The following PCDH19 variants were observed in gnomAD, a reference collection of about 807,000 sequenced individuals.
PCDH19 encodes the protein protocadherin-19.
In PCDH19, 6 loss-of-function variants were observed where a neutral mutation model predicts 46.2. That is an observed-to-expected ratio of 0.13 (90% CI 0.07 to 0.26). The LOEUF (loss-of-function observed/expected upper bound fraction) is 0.26. Ranked by LOEUF, PCDH19 falls within the 10% of genes least tolerant of loss-of-function variation. The probability of loss-of-function intolerance (pLI) is 1.00; values close to 1 mark genes in which losing one functional copy is unlikely to be tolerated. For missense variants in PCDH19, 740 were observed against 972.3 expected (o/e 0.76, Z 3.18); for synonymous variants, 481 against 415.7 (o/e 1.16, Z -1.91).
chrX:100,358,694 TA>T (rs1277414237), intron 3 of PCDH19, among the ~76,000 whole-genome samples: 1 of 112,370 alleles, frequency 8.9e-6, no homozygotes, highest in Non-Finnish European at 1.9e-5. Flanking sequence ...GACCCTTTTC[TA>T]AGTCCTTTGT....
intron 3 of PCDH19, among the ~76,000 whole-genome samples, chrX:100,357,403 A>T (rs1926749557): frequency 8.9e-6 from 1 of 111,852 alleles, no homozygotes; most frequent in African/African-American, 3.3e-5. Flanking sequence ...ACAATTCATA[A>T]CGTTCTTAGA....
chrX:100,394,409 G>C (rs1166336089), intron 3 of PCDH19, among the ~76,000 whole-genome samples: 1 of 112,087 alleles, frequency 8.9e-6, no homozygotes, highest in East Asian at 2.8e-4. Context: ...GCAAGTCTAA[G>C]AGAGCTCTTT....
intron 5 of PCDH19, among the ~76,000 whole-genome samples, chrX:100,333,155 AAG>A (rs1569294561): frequency 2.8e-4 from 15 of 53,803 alleles, no homozygotes; most frequent in East Asian, 1.2e-3. Flanking sequence ...GGAAGGAAGG[AAG>A]GAAGGAAGGA....
chrX:100,376,570 T>C (rs1202556758), intron 3 of PCDH19, among the ~76,000 whole-genome samples: 1 of 112,456 alleles, frequency 8.9e-6, no homozygotes, highest in Non-Finnish European at 1.9e-5. Flanking sequence ...CTTCAGACTA[T>C]GCTAGGAGTG....
At chrX:100,323,989 A>G (rs1235435687) in intron 5 of PCDH19, among the ~76,000 whole-genome samples, 1 of 111,806 alleles carries the variant, frequency 8.9e-6, no homozygotes, top group Non-Finnish European at 1.9e-5. Context: ...GCAGTTTACA[A>G]CTGGCTCCAA....
At chrX:100,363,156 T>G (rs1366253305) in intron 3 of PCDH19, among the ~76,000 whole-genome samples, 1 of 110,700 alleles carries the variant, frequency 9.0e-6, no homozygotes, top group African/African-American at 3.3e-5. Flanking sequence ...TACAAAAAAT[T>G]AGCCAGGCGT....
intron 4 of PCDH19, among the ~76,000 whole-genome samples, chrX:100,344,335 A>G (rs765554246): frequency 1.8e-4 from 20 of 112,267 alleles, no homozygotes; most frequent in Non-Finnish European, 3.4e-4. Flanking sequence ...GGCCAATTGG[A>G]AACACATGAT....
chrX:100,322,877 A>C (rs1182522442), intron 5 of PCDH19, among the ~76,000 whole-genome samples: 1 of 50,378 alleles, frequency 2.0e-5, no homozygotes, highest in Non-Finnish European at 4.6e-5. Flanking sequence ...TTTTGCAGCT[A>C]TTGTAAAAGG....
chrX:100,348,497 A>G (rs1213737477), intron 4 of PCDH19, among the ~76,000 whole-genome samples: 1 of 111,869 alleles, frequency 8.9e-6, no homozygotes, highest in Non-Finnish European at 1.9e-5. Flanking sequence ...ATGGCTCTGT[A>G]AACAGAACCC....
chrX:100,305,594 C>A (rs772049105), intron 5 of PCDH19, among the ~76,000 whole-genome samples: 1 of 111,618 alleles, frequency 9.0e-6, no homozygotes, highest in Non-Finnish European at 1.9e-5. Flanking sequence ...ATGTAAATGG[C>A]CTAAATGCTC....
intron 3 of PCDH19, among the ~76,000 whole-genome samples, chrX:100,359,388 A>AG (rs1260685090): frequency 8.9e-6 from 1 of 111,991 alleles, no homozygotes; most frequent in African/African-American, 3.3e-5. Context: ...TGGAGGGCCT[A>AG]CTCACAGAGC....
chrX:100,354,658 G>A (rs1366853996), intron 3 of PCDH19, among the ~76,000 whole-genome samples: 2 of 111,623 alleles, frequency 1.8e-5, no homozygotes, highest in African/African-American at 6.5e-5. Flanking sequence ...AACCACAGAA[G>A]AAATACATTC....
chrX:100,388,091 T>C (rs1228509205), intron 3 of PCDH19, among the ~76,000 whole-genome samples: 2 of 111,125 alleles, frequency 1.8e-5, no homozygotes, highest in East Asian at 5.6e-4. Context: ...AAGTATACCA[T>C]TTAAAAAGTA....
intron 4 of PCDH19, among the ~76,000 whole-genome samples, chrX:100,344,815 G>C (rs960844566): frequency 2.9e-5 from 3 of 103,409 alleles, no homozygotes; most frequent in African/African-American, 1.1e-4. Context: ...TGCATTATAA[G>C]GTGTTTAGCA....
chrX:100,386,984 C>G (rs1367081644), intron 3 of PCDH19, among the ~76,000 whole-genome samples: 1 of 112,012 alleles, frequency 8.9e-6, no homozygotes, highest in African/African-American at 3.2e-5. Context: ...AGATTTCATT[C>G]ACAATCAGAG....
chrX:100,371,364 AT>A (rs1455595768), intron 3 of PCDH19, among the ~76,000 whole-genome samples: 1 of 111,207 alleles, frequency 9.0e-6, no homozygotes, highest in East Asian at 2.8e-4. Context: ...CTGTGTAATT[AT>A]TTTTTTCAAC....
intron 5 of PCDH19, among the ~76,000 whole-genome samples, chrX:100,303,847 A>G (rs1338773175): frequency 8.9e-6 from 1 of 111,974 alleles, no homozygotes; most frequent in Non-Finnish European, 1.9e-5. Context: ...ACACTATGGA[A>G]TGACAGACAG....
intron 5 of PCDH19, among the ~76,000 whole-genome samples, chrX:100,298,436 T>G (rs1310166497): frequency 3.6e-5 from 4 of 112,558 alleles, no homozygotes; most frequent in Non-Finnish European, 7.5e-5. Flanking sequence ...ACCTCTTCAG[T>G]GTACCTTGAC....
In PCDH19 at chrX:100,296,414, C is replaced by T. The variant is rs1461878933; in HGVS notation, c.3310G>A (p.Gly1104Ser). The change falls in exon 6 of 6, where the codon GGC becomes AGC. Residue 1104 changes from glycine to serine, a missense_variant. Gly to Ser is a moderately conservative substitution (Grantham distance 56, BLOSUM62 0). Around this residue, in one of 5 missense-constraint regions of PCDH19, gnomAD observed 416 missense variants for 476.8 expected, o/e 0.87. Coordinates refer to ENST00000373034, the MANE Select transcript of PCDH19 (RefSeq NM_001184880.2). The part of the protein sequence containing the change: ...LEQYVNNVNN[G>S]PTRPSEAEPR... The stretch of plus-strand genomic sequence containing the variant: ...TCAGCTTCAGAGGGACGAGTAGGGC[C>T]ATTGTTGACATTGTTGACATACTGC... 11 of 1,208,111 alleles carry T rather than the reference C, an allele frequency of 9.1e-6. No individual in the cohort carries two copies. Among genetic ancestry groups the T allele is most frequent in the Non-Finnish European group, 1.2e-5 (11 of 894,099 alleles).
Sources: gnomAD v4.1 joint callset for allele counts (sites outside exome capture counted in the v4.1 genomes callset) on GRCh38, gnomAD v4.1.1 for gene constraint, gnomAD v4.1.1 regional missense constraint, MANE v1.5 for transcripts, NCBI Gene and HGNC (gene_info 2026-07-23, HGNC 2026-07-21) for gene names.